ROBO1: variants seen among roughly 807,000 people sequenced by gnomAD.
The protein encoded by ROBO1 is roundabout guidance receptor 1, also known as roundabout homolog 1.
In ROBO1, 149 loss-of-function variants were observed where a neutral mutation model predicts 195.9. The ratio of observed to expected loss-of-function variants is 0.76; its 90% confidence interval spans 0.67 to 0.87. The LOEUF is 0.87. Ranked by LOEUF, ROBO1 falls within the 40% of genes least tolerant of loss-of-function variation. The pLI is 0.00. For missense variants in ROBO1, 1,933 were observed against 2,068.3 expected (o/e 0.93, Z 1.27); for synonymous variants, 816 against 733.2 (o/e 1.11, Z -1.82).
chr3:79,567,400 A>G, intron 2 of ROBO1, among the ~76,000 whole-genome samples: 1 of 152,206 alleles, frequency 6.6e-6, no homozygotes, highest in East Asian at 1.9e-4. Context: ...TTAGAAAAGG[A>G]GAGAATAATA....
intron 2 of ROBO1, among the ~76,000 whole-genome samples, chr3:79,278,754 G>T (rs1004873347): frequency 6.6e-6 from 1 of 151,996 alleles, no homozygotes; most frequent in Non-Finnish European, 1.5e-5. Flanking sequence ...AAACATACGG[G>T]AAATGCTTCA....
intron 29 of ROBO1, among the ~76,000 whole-genome samples, chr3:78,602,477 G>C (rs527743676): frequency 6.6e-6 from 1 of 151,984 alleles, no homozygotes; most frequent in Non-Finnish European, 1.5e-5. Context: ...CCAGTCTCAG[G>C]TTTTTCTTTA....
At chr3:79,602,798 T>C (rs975900772) in intron 1 of ROBO1, among the ~76,000 whole-genome samples, 3 of 151,992 alleles carry the variant, frequency 2.0e-5, no homozygotes, top group Non-Finnish European at 4.4e-5. Context: ...GAAAATCTAC[T>C]GGAACTAAAA....
intron 2 of ROBO1, among the ~76,000 whole-genome samples, chr3:79,470,980 A>C (rs1559922760): frequency 6.6e-6 from 1 of 152,262 alleles, no homozygotes; most frequent in South Asian, 2.1e-4. Context: ...ATATTAATTT[A>C]TTGTGTATAT....
chr3:79,744,474 G>A (rs1317646506), intron 1 of ROBO1, among the ~76,000 whole-genome samples: 1 of 152,152 alleles, frequency 6.6e-6, no homozygotes, highest in Non-Finnish European at 1.5e-5. Context: ...GAGCTAATTA[G>A]GTCATGGGGA....
intron 2 of ROBO1, among the ~76,000 whole-genome samples, chr3:79,161,598 G>T (rs758839008): frequency 3.3e-5 from 5 of 152,036 alleles, no homozygotes; most frequent in Non-Finnish European, 5.9e-5. Flanking sequence ...TAAGAAACAA[G>T]CTATAGAAAA....
rs1702953111 is a variant in ROBO1, at chr3:78,598,216, CAA to C, written c.*695_*696del. The C allele has an allele frequency of 6.6e-6, 1 of 152,300 alleles. No individual in the cohort carries two copies. The highest frequency in any genetic ancestry group is 2.4e-5 in the African/African-American group (1 of 41,420). The allele number at this position is 152,300 out of a possible 1,614,324, so 9.4% of individuals were successfully genotyped here. On this transcript the variant is annotated 3_prime_UTR_variant, in exon 31 of 31. Transcript: ENST00000464233. ...GACAATGACTAGACAACCAGAGATC[CAA>C]CTGGCTTAGCCCTACTTATCCAAAA...
At chr3:79,135,417 G>A (rs996202298) in intron 2 of ROBO1, among the ~76,000 whole-genome samples, 1 of 152,002 alleles carries the variant, frequency 6.6e-6, no homozygotes, top group African/African-American at 2.4e-5. Context: ...TATCAGCTAT[G>A]AAGCCTTTCT....
At chr3:79,693,319 G>C (rs1238695142) in intron 1 of ROBO1, among the ~76,000 whole-genome samples, 1 of 151,406 alleles carries the variant, frequency 6.6e-6, no homozygotes, top group Admixed American at 6.6e-5. Flanking sequence ...TCTTTCTAAA[G>C]TAGTTTTATT....
Position 79,047,463 on chromosome 3 carries a change from A to G in ROBO1, c.172+77993T>C, listed in dbSNP as rs138418265. On this transcript the variant is annotated intron_variant, in intron 3 of 30. Transcript: ENST00000464233. ...CAGAAATGGCTTTGGAGTGCTGATCAGATCCAGGGCACTATAAGGAAAAGG... is the reference window on the plus strand; with the variant it reads ...CAGAAATGGCTTTGGAGTGCTGATCGGATCCAGGGCACTATAAGGAAAAGG... Among the ~76,000 whole-genome samples, 76 of 152,268 alleles carry G rather than the reference A, an allele frequency of 5.0e-4. No homozygotes were observed. In the East Asian group the frequency reaches 0.013, roughly 25 times the overall value.
chr3:79,332,767 T>C (rs2034499369), intron 2 of ROBO1, among the ~76,000 whole-genome samples: 1 of 152,218 alleles, frequency 6.6e-6, no homozygotes, highest in Admixed American at 6.5e-5. Context: ...CATGAATTAA[T>C]TAAGTCCTAA....
At position 79,534,198 on chromosome 3, in the gene ROBO1, C is replaced by A. The variant is rs570141544; in HGVS notation, c.88+55626G>T. On this transcript the variant is annotated intron_variant, in intron 2 of 30. Coordinates refer to ENST00000464233, the MANE Select transcript of ROBO1 (RefSeq NM_002941.4). ...AAAAATCAATTCTTCACCAGAGCAT[C>A]CAGAAAAGAAAAACAGTCCTGCTGA... is the stretch of plus-strand genomic sequence containing the variant. 2.8e-4 allele frequency among the ~76,000 whole-genome samples: 40 copies of A among 144,214 alleles called. 1 individual carries two copies. In the South Asian group the frequency reaches 8.6e-3, roughly 31 times the overall value. 94.6% of individuals were successfully genotyped at this position (144,214 alleles called of 152,430 possible).
chr3:78,783,744 A>G (rs1443317627), intron 4 of ROBO1, among the ~76,000 whole-genome samples: 1 of 152,158 alleles, frequency 6.6e-6, no homozygotes, highest in Non-Finnish European at 1.5e-5. Context: ...AACCAAAACA[A>G]TGGTATAAAT....
chr3:79,572,304 T>C (rs1576046081), intron 2 of ROBO1, among the ~76,000 whole-genome samples: 1 of 152,216 alleles, frequency 6.6e-6, no homozygotes, highest in Middle Eastern at 3.4e-3. Context: ...AGTATTTACA[T>C]AAACATAACA....
At chr3:78,907,759 C>A (rs752509378) in intron 4 of ROBO1, among the ~76,000 whole-genome samples, 3 of 151,920 alleles carry the variant, frequency 2.0e-5, no homozygotes, top group Non-Finnish European at 4.4e-5. Context: ...AATATCAGGT[C>A]TTGGCTGAGT....
intron 2 of ROBO1, among the ~76,000 whole-genome samples, chr3:79,237,343 G>A (rs765705260): frequency 3.4e-4 from 51 of 152,088 alleles, no homozygotes; most frequent in Admixed American, 1.3e-3. Flanking sequence ...TTAGCCAGGC[G>A]TGGTGGCGGC....
chr3:78,871,783 T>C (rs1372117636), intron 4 of ROBO1, among the ~76,000 whole-genome samples: 1 of 151,418 alleles, frequency 6.6e-6, no homozygotes. Flanking sequence ...GCTAGGTTTC[T>C]GGTTTTATAA....
chr3:78,641,244 T>C (rs1437007471), intron 21 of ROBO1, among the ~76,000 whole-genome samples: 2 of 152,154 alleles, frequency 1.3e-5, no homozygotes, highest in African/African-American at 4.8e-5. Context: ...GTTAAGAAGT[T>C]TGTGCATGGT....
intron 2 of ROBO1, among the ~76,000 whole-genome samples, chr3:79,249,600 T>A (rs1336692608): frequency 1.3e-5 from 2 of 152,182 alleles, no homozygotes; most frequent in Non-Finnish European, 2.9e-5. Context: ...AAACTTAAAC[T>A]CCTATATGGC....
Sources: gnomAD v4.1 joint callset for allele counts (sites outside exome capture counted in the v4.1 genomes callset) on GRCh38, gnomAD v4.1.1 for gene constraint, MANE v1.5 for transcripts, NCBI Gene and HGNC (gene_info 2026-07-23, HGNC 2026-07-21) for gene names.